The following SPIDR variants were observed in gnomAD, a reference collection of about 807,000 sequenced individuals.
SPIDR encodes scaffold protein involved in DNA repair.
Under a neutral mutation model 104.6 loss-of-function variants are expected in SPIDR, and 93 were observed. That is an observed-to-expected ratio of 0.89 (90% CI 0.75 to 1.06). The LOEUF is 1.06. Among genes scored for constraint, SPIDR ranks in the 50% least tolerant of loss-of-function variants. SPIDR has a pLI of 0.00. For missense variants in SPIDR, 1,154 were observed against 1,111.2 expected, an observed-to-expected ratio of 1.04 and a Z score of -0.55; for synonymous variants, 431 against 416.9, an observed-to-expected ratio of 1.03 and a Z score of -0.41.
intron 10 of SPIDR, among the ~76,000 whole-genome samples, chr8:47,634,735 A>C (rs996573600): frequency 1.3e-5 from 2 of 152,226 alleles, no homozygotes; most frequent in African/African-American, 4.8e-5. Context: ...TGAGCAGTGC[A>C]AACTACTCCC....
intron 10 of SPIDR, chr8:47,673,299 C>G (rs17614038): frequency 1.0e-5 from 4 of 394,244 alleles, no homozygotes; most frequent in African/African-American, 8.3e-5. Flanking sequence ...CTGGGATATG[C>G]GTGTCTAAAC....
intron 5 of SPIDR, among the ~76,000 whole-genome samples, chr8:47,339,727 TGG>T (rs2050385003): frequency 6.6e-6 from 1 of 150,974 alleles, no homozygotes. Context: ...TCGCCTGGAC[TGG>T]AGTGCAATGG....
intron 11 of SPIDR, among the ~76,000 whole-genome samples, chr8:47,689,392 C>A (rs1037781358): frequency 6.6e-6 from 1 of 152,196 alleles, no homozygotes; most frequent in African/African-American, 2.4e-5. Flanking sequence ...GTGTAAAAGT[C>A]AAGAGCTACC....
chr8:47,479,171 C>T (rs1554725403), intron 8 of SPIDR, among the ~76,000 whole-genome samples: 1 of 151,920 alleles, frequency 6.6e-6, no homozygotes, highest in African/African-American at 2.4e-5. Context: ...TCAGCCTGGC[C>T]AACATGGTAA....
chr8:47,289,255 G>A (rs1219585590), intron 3 of SPIDR, among the ~76,000 whole-genome samples: 2 of 151,942 alleles, frequency 1.3e-5, no homozygotes, highest in Non-Finnish European at 2.9e-5. Context: ...ATGGTTTACT[G>A]TATCAGAGGG....
chr8:47,473,370 G>A (rs1388684536), intron 8 of SPIDR, among the ~76,000 whole-genome samples: 1 of 152,172 alleles, frequency 6.6e-6, no homozygotes, highest in Non-Finnish European at 1.5e-5. Context: ...GGATAGAGAT[G>A]GCCTTTGACT....
intron 8 of SPIDR, among the ~76,000 whole-genome samples, chr8:47,537,781 C>T (rs2087187717): frequency 6.6e-6 from 1 of 152,132 alleles, no homozygotes; most frequent in Admixed American, 6.5e-5. Flanking sequence ...AATAGGGAAA[C>T]TGAGATAGGT....
chr8:47,401,935 A>G (rs934048102), intron 6 of SPIDR, among the ~76,000 whole-genome samples: 6 of 152,204 alleles, frequency 3.9e-5, no homozygotes, highest in Non-Finnish European at 7.3e-5. Context: ...TGAGACAGAA[A>G]GTTAACAAGG....
rs1173906531 is a variant in SPIDR, at chr8:47,298,793, G to C, written c.525+4763G>C. On this transcript the variant is annotated intron_variant, in intron 5 of 19. Transcript: ENST00000297423. ...ATGCGGCATTATTTCTGAGGGCTCTGTTCTGTTCCATTGGTCTATATCTCT... is the reference window on the plus strand; with the variant it reads ...ATGCGGCATTATTTCTGAGGGCTCTCTTCTGTTCCATTGGTCTATATCTCT... Among the ~76,000 whole-genome samples the C allele has an allele frequency of 1.1e-3, 170 of 152,272 alleles. 1 individual carries two copies. Among genetic ancestry groups the C allele is most frequent in the African/African-American group, 4.0e-3 (166 of 41,552 alleles).
intron 10 of SPIDR, among the ~76,000 whole-genome samples, chr8:47,627,622 T>G (rs573078650): frequency 1.1e-4 from 16 of 152,304 alleles, no homozygotes; most frequent in African/African-American, 3.6e-4. Context: ...CTTCTATGTG[T>G]TATAGAACTA....
chr8:47,299,846 G>A (rs1379922135), intron 5 of SPIDR, among the ~76,000 whole-genome samples: 7 of 152,110 alleles, frequency 4.6e-5, no homozygotes, highest in South Asian at 2.1e-4. Flanking sequence ...TGCTGGATTC[G>A]GTGTGCCAGT....
At chr8:47,335,679 G>C (rs2049561617) in intron 5 of SPIDR, among the ~76,000 whole-genome samples, 1 of 152,108 alleles carries the variant, frequency 6.6e-6, no homozygotes, top group South Asian at 2.1e-4. Flanking sequence ...TTGAACTCCT[G>C]GCCTCAAGTG....
intron 1 of SPIDR, among the ~76,000 whole-genome samples, chr8:47,276,039 T>G (rs2036358433): frequency 6.6e-6 from 1 of 152,122 alleles, no homozygotes. Context: ...GTATTTCTTT[T>G]TTAGACAGAT....
chr8:47,465,503 C>T (rs184855894), intron 8 of SPIDR, among the ~76,000 whole-genome samples: 133 of 152,212 alleles, frequency 8.7e-4, no homozygotes, highest in Middle Eastern at 3.4e-3. Context: ...GAGGTCAAGG[C>T]GGGCAGATCA....
At chr8:47,488,701 G>A (rs549175591) in intron 8 of SPIDR, among the ~76,000 whole-genome samples, 13 of 152,152 alleles carry the variant, frequency 8.5e-5, no homozygotes, top group South Asian at 2.1e-4. Context: ...TTCAACATAC[G>A]CAAATCAATA....
chr8:47,369,459 T>TA (rs2057699934), intron 5 of SPIDR, among the ~76,000 whole-genome samples: 1 of 152,254 alleles, frequency 6.6e-6, no homozygotes, highest in Non-Finnish European at 1.5e-5. Flanking sequence ...CTTGACTTCC[T>TA]CTTCATCTTA....
chr8:47,446,352 T>G (rs2070604813), intron 8 of SPIDR, among the ~76,000 whole-genome samples: 2 of 152,178 alleles, frequency 1.3e-5, no homozygotes, highest in African/African-American at 2.4e-5. Flanking sequence ...CAGAATGGCT[T>G]AGTGAATACT....
At chr8:47,462,871 G>T (rs576046438) in intron 8 of SPIDR, among the ~76,000 whole-genome samples, 2 of 152,054 alleles carry the variant, frequency 1.3e-5, no homozygotes, top group Admixed American at 6.5e-5. Context: ...AATCAAAACT[G>T]AAGAGACTAT....
chr8:47,567,520 G>T (rs1350810559), intron 8 of SPIDR, among the ~76,000 whole-genome samples: 6 of 151,908 alleles, frequency 3.9e-5, no homozygotes, highest in Non-Finnish European at 8.8e-5. Flanking sequence ...CGCCCGGCCT[G>T]AGGATAAACA....
Sources: gnomAD v4.1 joint callset for allele counts (sites outside exome capture counted in the v4.1 genomes callset) on GRCh38, gnomAD v4.1.1 for gene constraint, MANE v1.5 for transcripts, NCBI Gene and HGNC (gene_info 2026-07-23, HGNC 2026-07-21) for gene names.